PTPRD: variants seen among roughly 807,000 people sequenced by gnomAD.
The protein encoded by PTPRD is protein tyrosine phosphatase receptor type D.
Under a neutral mutation model 214.5 loss-of-function variants are expected in PTPRD, and 34 were observed. The observed-to-expected ratio is 0.16, with a 90% CI of 0.12 to 0.21. The LOEUF is 0.21. Among genes scored for constraint, PTPRD ranks in the 10% least tolerant of loss-of-function variants. The pLI is 1.00. For missense variants in PTPRD, 2,545 were observed against 2,398.7 expected (o/e 1.06, Z -1.27); for synonymous variants, 1,128 against 845.7 (o/e 1.33, Z -5.79).
At chr9:10,596,514 T>C (rs978884495) in intron 2 of PTPRD, among the ~76,000 whole-genome samples, 1 of 151,618 alleles carries the variant, frequency 6.6e-6, no homozygotes, top group African/African-American at 2.4e-5. Context: ...GCAGTATAAA[T>C]TAAAAGAAAC....
At chr9:9,446,571 T>C (rs1464046684) in intron 8 of PTPRD, among the ~76,000 whole-genome samples, 1 of 152,160 alleles carries the variant, frequency 6.6e-6, no homozygotes, top group Non-Finnish European at 1.5e-5. Flanking sequence ...AATTGATATT[T>C]ATTGAGGGCA....
chr9:9,176,585 G>T (rs1057320757), intron 10 of PTPRD, among the ~76,000 whole-genome samples: 1 of 152,170 alleles, frequency 6.6e-6, no homozygotes, highest in African/African-American at 2.4e-5. Context: ...GGTGTTGGGA[G>T]TTGGGGCCTT....
chr9:9,324,641 TG>T lies in PTPRD; in HGVS notation c.-203+72807del, dbSNP rs545255269. On this transcript the variant is annotated intron_variant, in intron 9 of 45. Coordinates refer to ENST00000381196, the MANE Select transcript of PTPRD (RefSeq NM_002839.4). ...AAAAGTTTTCTCCCATTCTGTAGGT[TG>T]CCTGTTCACTCTGATGGTAGTTTCT... Among the ~76,000 whole-genome samples the T allele has an allele frequency of 1.8e-4, 27 of 152,328 alleles. No homozygotes were observed. The East Asian group carries it at 5.0e-3, about 28-fold the overall frequency.
chr9:9,368,784 A>C (rs995749787), intron 9 of PTPRD, among the ~76,000 whole-genome samples: 3 of 151,894 alleles, frequency 2.0e-5, no homozygotes, highest in African/African-American at 7.2e-5. Context: ...TTATACTTTA[A>C]GTTTTAGAGT....
At chr9:10,304,446 C>A (rs967705818) in intron 3 of PTPRD, among the ~76,000 whole-genome samples, 2 of 152,092 alleles carry the variant, frequency 1.3e-5, no homozygotes, top group Non-Finnish European at 2.9e-5. Flanking sequence ...AAACAGTATT[C>A]AAATGGGAAG....
chr9:8,403,406 G>A (rs2092648634), intron 36 of PTPRD, among the ~76,000 whole-genome samples: 1 of 152,216 alleles, frequency 6.6e-6, no homozygotes, highest in Non-Finnish European at 1.5e-5. Context: ...CACTAATGAG[G>A]GTGAACATGG....
chr9:8,941,899 G>C (rs1166813085), intron 11 of PTPRD, among the ~76,000 whole-genome samples: 6 of 152,054 alleles, frequency 3.9e-5, no homozygotes, highest in African/African-American at 9.7e-5. Context: ...TCCGCCTCCC[G>C]GGTTCAAGCG....
chr9:8,738,362 CTAT>C (rs2091013198), intron 11 of PTPRD, among the ~76,000 whole-genome samples: 2 of 149,140 alleles, frequency 1.3e-5, no homozygotes, highest in African/African-American at 5.2e-5. Flanking sequence ...AGGATTTGTA[CTAT>C]TTTTTCAGCT....
intron 14 of PTPRD, among the ~76,000 whole-genome samples, chr9:8,535,463 ATT>A (rs894831291): frequency 6.6e-6 from 1 of 151,918 alleles, no homozygotes; most frequent in Non-Finnish European, 1.5e-5. Context: ...TAAAATCCAT[ATT>A]GTCAGATGAT....
At chr9:8,794,049 A>G (rs1332233965) in intron 11 of PTPRD, among the ~76,000 whole-genome samples, 1 of 152,254 alleles carries the variant, frequency 6.6e-6, no homozygotes, top group Non-Finnish European at 1.5e-5. Context: ...TGCAGTTGTC[A>G]CATTATCATG....
At chr9:10,526,786 G>GA (rs1222370388) in intron 2 of PTPRD, among the ~76,000 whole-genome samples, 1 of 152,070 alleles carries the variant, frequency 6.6e-6, no homozygotes, top group Non-Finnish European at 1.5e-5. Context: ...AGAGAAGAAG[G>GA]AAATTTTATT....
intron 11 of PTPRD, among the ~76,000 whole-genome samples, chr9:9,005,861 G>A (rs987786722): frequency 6.6e-6 from 1 of 151,902 alleles, no homozygotes; most frequent in Non-Finnish European, 1.5e-5. Flanking sequence ...TACTATTCTA[G>A]ACCAGTTAAC....
At chr9:9,226,958 T>C (rs2099959883) in intron 9 of PTPRD, among the ~76,000 whole-genome samples, 1 of 152,160 alleles carries the variant, frequency 6.6e-6, no homozygotes, top group Non-Finnish European at 1.5e-5. Context: ...AGGACTTTAA[T>C]TCACAACCAA....
intron 12 of PTPRD, among the ~76,000 whole-genome samples, chr9:8,637,650 T>C (rs536391821): frequency 1.3e-5 from 2 of 152,358 alleles, no homozygotes; most frequent in Non-Finnish European, 2.9e-5. Context: ...AAGATCTAGA[T>C]AGCTATCATA....
intron 35 of PTPRD, among the ~76,000 whole-genome samples, chr9:8,412,232 C>T (rs777070856): frequency 6.6e-6 from 1 of 152,048 alleles, no homozygotes; most frequent in Non-Finnish European, 1.5e-5. Context: ...CACAGCAAGA[C>T]CCAATCTCAT....
intron 4 of PTPRD, among the ~76,000 whole-genome samples, chr9:9,982,528 A>C (rs2095579609): frequency 1.3e-5 from 2 of 150,006 alleles, no homozygotes; most frequent in African/African-American, 2.5e-5. Context: ...GCATAAACTA[A>C]TTGCAATTCT....
chr9:10,300,558 G>A (rs149202414), intron 3 of PTPRD, among the ~76,000 whole-genome samples: 2 of 152,138 alleles, frequency 1.3e-5, no homozygotes, highest in African/African-American at 4.8e-5. Context: ...GGTTGACCTG[G>A]GACACTCAAG....
Position 9,637,331 on chromosome 9 carries a change from G to C in PTPRD, c.-286-62550C>G, listed in dbSNP as rs1593761136. ...GGTGAGATTCGTATCGGGGCAACTT[G>C]CTCTCCAGCTGTGAGGCTGTGAAAT... is the stretch of plus-strand genomic sequence containing the variant. On this transcript the variant is annotated intron_variant, in intron 7 of 45. Transcript: ENST00000381196. Among the ~76,000 whole-genome samples, 3 of 152,256 alleles carry C rather than the reference G, an allele frequency of 2.0e-5. No homozygotes were observed. The East Asian group carries it at 5.8e-4, about 29-fold the overall frequency.
intron 11 of PTPRD, among the ~76,000 whole-genome samples, chr9:8,863,207 G>T (rs10815978): frequency 1 from 151,973 of 152,218 alleles, 75,865 homozygotes; most frequent in Middle Eastern, 1. Context: ...AATGCTATTT[G>T]CTACTGGCTC....
Sources: gnomAD v4.1 joint callset for allele counts (sites outside exome capture counted in the v4.1 genomes callset) on GRCh38, gnomAD v4.1.1 for gene constraint, MANE v1.5 for transcripts, NCBI Gene and HGNC (gene_info 2026-07-23, HGNC 2026-07-21) for gene names.